Variants in GALNT18 observed in about 807,000 individuals in gnomAD.
GALNT18 encodes polypeptide N-acetylgalactosaminyltransferase 18.
A neutral mutation model predicts 69.5 loss-of-function variants in GALNT18; 44 were observed. The ratio of observed to expected loss-of-function variants is 0.63; its 90% confidence interval spans 0.50 to 0.81. The LOEUF is 0.81. Ranked by LOEUF, GALNT18 falls within the 40% of genes least tolerant of loss-of-function variation. The probability of loss-of-function intolerance (pLI) is 0.00; values close to 1 mark genes in which losing one functional copy is unlikely to be tolerated. For missense variants in GALNT18, 715 were observed against 810.0 expected (o/e 0.88, Z 1.42); for synonymous variants, 364 against 318.2 (o/e 1.14, Z -1.53).
At chr11:11,441,503 A>G (rs1007334852) in intron 2 of GALNT18, among the ~76,000 whole-genome samples, 5 of 152,212 alleles carry the variant, frequency 3.3e-5, no homozygotes, top group African/African-American at 4.8e-5. Flanking sequence ...ATAAGACCCC[A>G]GTAAAAATAC....
At position 11,383,497 on chromosome 11, in the gene GALNT18, G is replaced by T. The variant is rs748036412; in HGVS notation, c.596-4233C>A. On this transcript the variant is annotated intron_variant, in intron 3 of 10. Coordinates refer to ENST00000227756, the MANE Select transcript of GALNT18 (RefSeq NM_198516.3). This position sits in a 1 kb window ranked among gnomAD's most constrained non-coding sequence, Gnocchi z 5.2. ...AGGTGCACAGGCATTTTGTAAAACT[G>T]CCTTCCTATAGGCTTGCTGTGGAGA... Among the ~76,000 whole-genome samples, 2 of 152,158 alleles carry T rather than the reference G, an allele frequency of 1.3e-5. No homozygotes were observed. Among genetic ancestry groups the T allele is most frequent in the African/African-American group, 2.4e-5 (1 of 41,442 alleles).
intron 6 of GALNT18, among the ~76,000 whole-genome samples, chr11:11,357,487 C>A (rs1324561156): frequency 6.6e-6 from 1 of 152,194 alleles, no homozygotes; most frequent in African/African-American, 2.4e-5. Flanking sequence ...CTCCTTAGAC[C>A]TTTGAAATCT....
chr11:11,395,462 T>C (rs1872794), intron 3 of GALNT18, among the ~76,000 whole-genome samples: 34,815 of 152,178 alleles, frequency 0.23, 4,211 homozygotes, highest in East Asian at 0.39. Context: ...CATTTGCTCA[T>C]TTAGTCTTCA....
intron 9 of GALNT18, among the ~76,000 whole-genome samples, chr11:11,321,429 A>T (rs1008144169): frequency 2.0e-5 from 3 of 152,224 alleles, no homozygotes; most frequent in Non-Finnish European, 4.4e-5. Context: ...TACCTCAATA[A>T]AATAGTAAAA....
chr11:11,481,351 T>C (rs1396649703), intron 1 of GALNT18, among the ~76,000 whole-genome samples: 1 of 152,112 alleles, frequency 6.6e-6, no homozygotes, highest in Non-Finnish European at 1.5e-5. Flanking sequence ...AAGCTGACTC[T>C]TGGGCAAGCA....
intron 3 of GALNT18, among the ~76,000 whole-genome samples, chr11:11,431,832 T>G (rs992800522): frequency 6.6e-6 from 1 of 152,182 alleles, no homozygotes; most frequent in African/African-American, 2.4e-5. Context: ...TTTTGAGAAA[T>G]CATGCATTAT....
intron 9 of GALNT18, among the ~76,000 whole-genome samples, chr11:11,312,238 C>G (rs1364523492): frequency 6.6e-6 from 1 of 152,268 alleles, no homozygotes; most frequent in African/African-American, 2.4e-5. Flanking sequence ...CGTGAGCCAC[C>G]ACGCCCGGCC....
At chr11:11,350,382 T>C (rs761403257) in intron 6 of GALNT18, among the ~76,000 whole-genome samples, 3 of 152,216 alleles carry the variant, frequency 2.0e-5, no homozygotes, top group Middle Eastern at 3.2e-3. Flanking sequence ...CTAGAAGTTA[T>C]CTTTAATGGT....
chr11:11,579,460 T>C (rs924366405), intron 1 of GALNT18, among the ~76,000 whole-genome samples: 3 of 152,158 alleles, frequency 2.0e-5, no homozygotes, highest in African/African-American at 7.2e-5. Context: ...CCTCAATATA[T>C]AATACAGATG....
intron 6 of GALNT18, among the ~76,000 whole-genome samples, chr11:11,362,379 C>A (rs1264854577): frequency 1.3e-5 from 2 of 151,926 alleles, no homozygotes; most frequent in African/African-American, 4.8e-5. Context: ...AACAAACAAA[C>A]AAACACGAGA....
rs1228004028 is a variant in GALNT18 at position 11,470,478 on chromosome 11, C to A, written c.236-21542G>T. On this transcript the variant is annotated intron_variant, in intron 1 of 10. Coordinates refer to ENST00000227756, the MANE Select transcript of GALNT18 (RefSeq NM_198516.3). This position sits in a 1 kb window ranked among gnomAD's most constrained non-coding sequence, Gnocchi z 4.8. ...AGTGTGTGAGGAAGGCGCTATCCTCCACGCAGTCGGCTAGGCAAGTGAGCA... is the reference window on the plus strand; with the variant it reads ...AGTGTGTGAGGAAGGCGCTATCCTCAACGCAGTCGGCTAGGCAAGTGAGCA... 2.0e-5 allele frequency among the ~76,000 whole-genome samples: 3 copies of A among 152,210 alleles called. No individual in the cohort carries two copies. The highest frequency in any genetic ancestry group is 4.4e-5 in the Non-Finnish European group (3 of 68,024).
At chr11:11,515,876 T>A (rs1205441570) in intron 1 of GALNT18, among the ~76,000 whole-genome samples, 1 of 151,000 alleles carries the variant, frequency 6.6e-6, no homozygotes, top group African/African-American at 2.4e-5. Context: ...GGGAGAGAGG[T>A]AGTGGGAGGA....
intron 1 of GALNT18, among the ~76,000 whole-genome samples, chr11:11,479,021 G>A (rs965160449): frequency 6.6e-6 from 1 of 152,190 alleles, no homozygotes; most frequent in Admixed American, 6.5e-5. Flanking sequence ...ATGGCCCTGC[G>A]TCTTGGGCTC....
At chr11:11,353,968 C>T (rs1400361272) in intron 6 of GALNT18, among the ~76,000 whole-genome samples, 1 of 152,190 alleles carries the variant, frequency 6.6e-6, no homozygotes, top group African/African-American at 2.4e-5. Context: ...TCACACTTGG[C>T]TCAGTGGGGC....
At chr11:11,355,500 A>G (rs1046254509) in intron 6 of GALNT18, among the ~76,000 whole-genome samples, 9 of 152,198 alleles carry the variant, frequency 5.9e-5, no homozygotes, top group Non-Finnish European at 1.3e-4. Context: ...TTCCACTGTT[A>G]TTAGTAGCAC....
At chr11:11,374,834 A>G (rs1039147609) in intron 5 of GALNT18, among the ~76,000 whole-genome samples, 2 of 152,260 alleles carry the variant, frequency 1.3e-5, no homozygotes, top group Non-Finnish European at 2.9e-5. Context: ...CATGTGCAGA[A>G]CCAAGGTCCT....
intron 1 of GALNT18, among the ~76,000 whole-genome samples, chr11:11,607,791 C>T (rs925467215): frequency 2.0e-5 from 3 of 152,172 alleles, no homozygotes; most frequent in African/African-American, 7.2e-5. Context: ...AGACACTCTC[C>T]ACCAAGGAGC....
intron 3 of GALNT18, among the ~76,000 whole-genome samples, chr11:11,385,491 T>C (rs1357024504): frequency 6.6e-6 from 1 of 152,082 alleles, no homozygotes; most frequent in Non-Finnish European, 1.5e-5. Flanking sequence ...GAGATGGGGT[T>C]TCACCATGTT....
At chr11:11,375,732 G>A (rs115579889) in intron 5 of GALNT18, among the ~76,000 whole-genome samples, 164 of 152,278 alleles carry the variant, frequency 1.1e-3, no homozygotes, top group African/African-American at 3.6e-3. Flanking sequence ...GAGCCAATGC[G>A]TGTAAAAGAC....
Sources: gnomAD v4.1 joint callset for allele counts (sites outside exome capture counted in the v4.1 genomes callset) on GRCh38, gnomAD v4.1.1 for gene constraint, Gnocchi (gnomAD v3.1) non-coding constraint, MANE v1.5 for transcripts, NCBI Gene and HGNC (gene_info 2026-07-23, HGNC 2026-07-21) for gene names.